MAST3: variants seen among roughly 807,000 people sequenced by gnomAD.
MAST3 encodes microtubule-associated serine/threonine-protein kinase 3.
Under a neutral mutation model 127.0 loss-of-function variants are expected in MAST3, and 43 were observed. The observed-to-expected ratio is 0.34, with a 90% CI of 0.27 to 0.44. MAST3 has a LOEUF of 0.44. MAST3 is among the 20% of genes least tolerant of loss of function. The probability of loss-of-function intolerance (pLI) is 1.00; values close to 1 mark genes in which losing one functional copy is unlikely to be tolerated. For missense variants in MAST3, 1,390 were observed against 1,919.1 expected, an observed-to-expected ratio of 0.72 and a Z score of 5.15; for synonymous variants, 785 against 809.2, an observed-to-expected ratio of 0.97 and a Z score of 0.51.
chr19:18,149,575 G>A lies in MAST3; in HGVS notation c.3893G>A (p.Arg1298Gln), dbSNP rs1373638933. The A allele has an allele frequency of 2.5e-6, 4 of 1,603,812 alleles. No individual in the cohort carries two copies. Among genetic ancestry groups the A allele is most frequent in the Non-Finnish European group, 3.4e-6 (4 of 1,175,900 alleles). ...CGGCGGCTGCACCTGTCCGAGCGCC[G>A]AGACTCCTTCAAGAAGCAGGAGGCC... is the stretch of plus-strand genomic sequence containing the variant. Reference protein sequence around the residue: ...VMRRLHLSERRDSFKKQEAVQ... With the variant: ...VMRRLHLSERQDSFKKQEAVQ... Residue 1298 changes from arginine to glutamine, a missense_variant, in exon 28 of 28, where the codon CGA becomes CAA. Coordinates refer to ENST00000687212, the MANE Select transcript of MAST3 (RefSeq NM_001393504.1). The surrounding 1 kb of genome is among the most constrained non-coding windows in gnomAD (Gnocchi z 5.9).
At position 18,123,980 on chromosome 19, in the gene MAST3, G is replaced by A. The variant is rs772638403; in HGVS notation, c.675G>A (p.Thr225=). ...QMEGRLQEFL[T]AYAPGARLAL... is the part of the protein sequence containing the mutation. ...AGGGCCGTCTGCAGGAGTTCCTGAC[G>A]GCCTACGCGCCCGGCGCCCGGCTGG... Residue 225 remains threonine (T), a synonymous_variant, in exon 9 of 28, where the codon ACG becomes ACA. Coordinates refer to ENST00000687212, the MANE Select transcript of MAST3 (RefSeq NM_001393504.1). The A allele has an allele frequency of 1.6e-5, 26 of 1,585,548 alleles. No individual in the cohort carries two copies. The highest frequency in any genetic ancestry group is 5.3e-5 in the Admixed American group (3 of 56,664).
intron 2 of MAST3, among the ~76,000 whole-genome samples, chr19:18,109,672 G>A (rs2038356652): frequency 6.6e-6 from 1 of 152,158 alleles, no homozygotes; most frequent in African/African-American, 2.4e-5. Context: ...GCGGAGGAGG[G>A]GCTGGTGGGG....
intron 1 of MAST3, among the ~76,000 whole-genome samples, chr19:18,104,820 T>G (rs1318897077): frequency 6.6e-6 from 1 of 152,150 alleles, no homozygotes; most frequent in Non-Finnish European, 1.5e-5. Context: ...TTACCAGGTA[T>G]TATGACAGCT....
intron 20 of MAST3, among the ~76,000 whole-genome samples, chr19:18,139,393 C>T (rs576616504): frequency 2.0e-5 from 3 of 152,220 alleles, no homozygotes; most frequent in South Asian, 2.1e-4. Flanking sequence ...GGCGCAGTCT[C>T]GGCTCACCGC....
intron 20 of MAST3, among the ~76,000 whole-genome samples, chr19:18,140,628 G>A (rs75636748): frequency 0.019 from 2,822 of 152,088 alleles, 181 homozygotes; most frequent in East Asian, 0.18. Flanking sequence ...TCAGCATCAC[G>A]TACTCAAGGC....
At chr19:18,129,665 C>A (rs1032361713) in intron 13 of MAST3, among the ~76,000 whole-genome samples, 10 of 152,128 alleles carry the variant, frequency 6.6e-5, no homozygotes, top group African/African-American at 1.9e-4. Context: ...AGAGCTAGAC[C>A]AGGTGCGGAG....
rs561353718 is a variant in MAST3 at position 18,117,827 on chromosome 19, G to T, written c.162-3858G>T. 2.8e-3 allele frequency among the ~76,000 whole-genome samples: 421 copies of T among 151,810 alleles called. 1 individual carries two copies. The highest frequency in any genetic ancestry group is 8.9e-3 in the African/African-American group (369 of 41,412). On this transcript the variant is annotated intron_variant, in intron 3 of 27. Transcript: ENST00000687212. ...CCGCCCGCGGTCGTAGCAACGCCCG[G>T]CCTCAGCCGCCCGCGGCCCTAGCAA...
rs1427907766 is a variant in MAST3 at position 18,144,634 on chromosome 19, G to A, written c.2753G>A (p.Ser918Asn). Residue 918 changes from serine to asparagine, a missense_variant, in exon 23 of 28, where the codon AGT (serine) becomes AAT (asparagine). Ser to Asn is a conservative substitution (Grantham distance 46). Around this residue, in one of 5 missense-constraint regions of MAST3, gnomAD observed 816 missense variants for 934.1 expected, o/e 0.87. Transcript: ENST00000687212. The surrounding 1 kb of genome is among the most constrained non-coding windows in gnomAD (Gnocchi z 4.0). Reference sequence around the variant, plus strand: ...TCCAGCGGTGGCAGTGGTGGCGGCAGTGGGGGCCGCGTGCCCAAGTCAGCC... The same window carrying A: ...TCCAGCGGTGGCAGTGGTGGCGGCAATGGGGGCCGCGTGCCCAAGTCAGCC... ...ASSSGGSGGGSGGRVPKSASV... is the reference protein window; with the variant it reads ...ASSSGGSGGGNGGRVPKSASV... 6.2e-7 allele frequency: 1 copy of A among 1,611,506 alleles called. No homozygotes were observed. Among genetic ancestry groups the A allele is most frequent in the Non-Finnish European group, 8.5e-7 (1 of 1,179,836 alleles).
chr19:18,128,765 G>T, intron 12 of MAST3, 101 bp from the exon 13 acceptor site: 1 of 901,302 alleles, frequency 1.1e-6, no homozygotes. Flanking sequence ...CAGGGGAGGA[G>T]GTAGCATCGG....
chr19:18,124,434 G>A, intron 10 of MAST3, 68 bp downstream of exon 10: 1 of 1,457,150 alleles, frequency 6.9e-7, no homozygotes. Context: ...CAACAGTCCT[G>A]CCAAGATACA....
intron 2 of MAST3, among the ~76,000 whole-genome samples, chr19:18,109,192 CTGAGTGGAG>C (rs1180031309): frequency 6.6e-6 from 1 of 150,914 alleles, no homozygotes; most frequent in Non-Finnish European, 1.5e-5. Flanking sequence ...ACAAGGGTAG[CTGAGTGGAG>C]TGAGTGGAGA....
intron 1 of MAST3, among the ~76,000 whole-genome samples, chr19:18,101,314 T>C (rs1204045319): frequency 6.6e-6 from 1 of 151,932 alleles, no homozygotes; most frequent in Non-Finnish European, 1.5e-5. Context: ...TCCTGCTTTC[T>C]CATGGACAGC....
intron 1 of MAST3, among the ~76,000 whole-genome samples, chr19:18,107,119 T>A (rs1236255481): frequency 6.6e-6 from 1 of 151,678 alleles, no homozygotes; most frequent in Non-Finnish European, 1.5e-5. Flanking sequence ...CCCGGCCTAC[T>A]CTGGCTAATT....
At position 18,144,967 on chromosome 19, in the gene MAST3, G is replaced by A. The variant is rs1205584199; in HGVS notation, c.2813-36G>A. 2 of 1,152,786 alleles carry A rather than the reference G, an allele frequency of 1.7e-6. No homozygotes were observed. The highest frequency in any genetic ancestry group is 2.6e-6 in the Non-Finnish European group (2 of 779,434). The allele number at this position is 1,152,786 out of a possible 1,614,324, so 71.4% of individuals were successfully genotyped here. On this transcript the variant is annotated intron_variant, in intron 23 of 27. Coordinates refer to ENST00000687212, the MANE Select transcript of MAST3 (RefSeq NM_001393504.1). This position sits in a 1 kb window ranked among gnomAD's most constrained non-coding sequence, Gnocchi z 4.0. ...AGAGGGGGCCCCAGGGGAGACCTGT[G>A]AGGGAGTGAGTGACCCCCTCCCTAA...
At position 18,110,219 on chromosome 19, in the gene MAST3, G is replaced by A; in HGVS notation, c.72-433G>A. ...CAGCCAGGCGTCTGTCCCTGCGTCC[G>A]TGTGTCCGTCCGTCGGTCCGCTCGC... is the stretch of plus-strand genomic sequence containing the variant. On this transcript the variant is annotated intron_variant, in intron 2 of 27. Coordinates refer to ENST00000687212, the MANE Select transcript of MAST3 (RefSeq NM_001393504.1). This position sits in a 1 kb window ranked among gnomAD's most constrained non-coding sequence, Gnocchi z 4.3. 1 of 985,466 alleles carries A rather than the reference G, an allele frequency of 1.0e-6. No individual in the cohort carries two copies. The highest frequency in any genetic ancestry group is 1.2e-6 in the Non-Finnish European group (1 of 829,968). 61.0% of individuals were successfully genotyped at this position (985,466 alleles called of 1,614,324 possible).
At chr19:18,124,487 G>A in intron 10 of MAST3, 121 bp downstream of exon 10, 2 of 1,325,180 alleles carry the variant, frequency 1.5e-6, no homozygotes, top group Non-Finnish European at 2.1e-6. Flanking sequence ...GGAACACAGG[G>A]TGCTATTGGG....
chr19:18,118,249 C>G (rs1310402030), intron 3 of MAST3: 2 of 985,300 alleles, frequency 2.0e-6, no homozygotes, highest in African/African-American at 3.5e-5. Context: ...TGCAGCGCTC[C>G]AAGAGGTAGG....
At chr19:18,122,458 T>G (rs2040110105) in intron 5 of MAST3, among the ~76,000 whole-genome samples, 1 of 118,884 alleles carries the variant, frequency 8.4e-6, no homozygotes, top group Non-Finnish European at 1.7e-5. Flanking sequence ...GGGGACACAG[T>G]GGCAGCTGGA....
intron 15 of MAST3, among the ~76,000 whole-genome samples, chr19:18,134,225 T>A (rs114737623): frequency 0.038 from 5,326 of 141,216 alleles, 132 homozygotes; most frequent in Admixed American, 0.088. Flanking sequence ...ACTAAAAAAA[T>A]ATATATATAT....
Sources: allele counts gnomAD v4.1 joint callset (sites outside exome capture counted in the v4.1 genomes callset), GRCh38; gene constraint gnomAD v4.1.1; regional missense constraint gnomAD v4.1.1; non-coding constraint Gnocchi (gnomAD v3.1); transcripts MANE v1.5; gene names NCBI Gene and HGNC (gene_info 2026-07-23, HGNC 2026-07-21).